ASIC1: variants seen among roughly 807,000 people sequenced by gnomAD.
The protein encoded by ASIC1 is acid-sensing ion channel 1.
A neutral mutation model predicts 63.4 loss-of-function variants in ASIC1; 21 were observed. That is an observed-to-expected ratio of 0.33 (90% CI 0.23 to 0.48). ASIC1 has a LOEUF of 0.48. Ranked by LOEUF, ASIC1 falls within the 20% of genes least tolerant of loss-of-function variation. The pLI is 0.99. For synonymous variants in ASIC1, 258 were observed against 278.2 expected, an observed-to-expected ratio of 0.93 and a Z score of 0.72; for missense variants, 478 against 695.5, an observed-to-expected ratio of 0.69 and a Z score of 3.52.
intron 3 of ASIC1, among the ~76,000 whole-genome samples, chr12:50,060,179 G>T (rs1480310467): frequency 6.6e-6 from 1 of 152,224 alleles, no homozygotes; most frequent in Non-Finnish European, 1.5e-5. Context: ...GCAGGAAAGA[G>T]AGCCTACAGT....
At chr12:50,079,819 T>C in intron 7 of ASIC1, 83 bp from the exon 8 acceptor site, 2 of 1,474,462 alleles carry the variant, frequency 1.4e-6, no homozygotes, top group Non-Finnish European at 1.8e-6. Context: ...AGAGTTTCTC[T>C]GGGCAGAGCT....
chr12:50,071,446 T>C (rs982630616), intron 3 of ASIC1, among the ~76,000 whole-genome samples: 1 of 151,186 alleles, frequency 6.6e-6, no homozygotes, highest in Non-Finnish European at 1.5e-5. Context: ...TTTTTTGGTT[T>C]TTTTTTTTTG....
rs777741388 is a variant in ASIC1 at position 50,064,979 on chromosome 12, G to A, written c.558+5025G>A. Among the ~76,000 whole-genome samples the A allele has an allele frequency of 7.9e-5, 12 of 152,124 alleles. No individual in the cohort carries two copies. In the South Asian group the frequency reaches 2.5e-3, roughly 31 times the overall value. ...GTGGTACTAAAGGGGGCCCAGTGGG[G>A]TGGGCTTCAGAACAAGGGGGAACAT... On this transcript the variant is annotated intron_variant, in intron 3 of 11. Coordinates refer to ENST00000447966, the MANE Select transcript of ASIC1 (RefSeq NM_001095.4).
intron 3 of ASIC1, among the ~76,000 whole-genome samples, chr12:50,069,711 TC>T (rs1950580460): frequency 1.3e-5 from 2 of 152,290 alleles, no homozygotes; most frequent in Admixed American, 6.5e-5. Flanking sequence ...TTTTTTTTTT[TC>T]ATAGCACTTA....
At chr12:50,080,996 C>T (rs1321203804) in intron 9 of ASIC1, 106 bp from the exon 10 acceptor site, 10 of 1,068,696 alleles carry the variant, frequency 9.4e-6, no homozygotes, top group Non-Finnish European at 1.4e-5. Context: ...TGTGCGAAGG[C>T]TACCAATCCC....
chr12:50,066,342 C>G lies in ASIC1; in HGVS notation c.558+6388C>G, dbSNP rs147312085. On this transcript the variant is annotated intron_variant, in intron 3 of 11. Coordinates refer to ENST00000447966, the MANE Select transcript of ASIC1 (RefSeq NM_001095.4). ...ACCCTGACTTCAGATCTTCTAAGTC[C>G]GGGTTCTTTGTGTGTGGCTGTAGGA... Among the ~76,000 whole-genome samples, 8 of 151,978 alleles carry G rather than the reference C, an allele frequency of 5.3e-5. No homozygotes were observed. The East Asian group carries it at 1.6e-3, about 29-fold the overall frequency.
chr12:50,079,796 G>A (rs1950696062), intron 7 of ASIC1, 106 bp from the exon 8 acceptor site: 1 of 1,370,756 alleles, frequency 7.3e-7, no homozygotes, highest in East Asian at 2.4e-5. Context: ...GTCACGGAAA[G>A]AGAAAGGGGC....
rs764198565 is a variant in ASIC1, at chr12:50,075,152, C to T, written c.559-2061C>T. ...CCAGCTCCCAGATGCCAGGCCTTCC[C>T]TGCCCCACACACCCATCCCTCAGTC... On this transcript the variant is annotated intron_variant, in intron 3 of 11. Coordinates refer to ENST00000447966, the MANE Select transcript of ASIC1 (RefSeq NM_001095.4). 5.3e-5 allele frequency among the ~76,000 whole-genome samples: 8 copies of T among 152,238 alleles called. No individual in the cohort carries two copies. The South Asian group carries it at 6.2e-4, about 12-fold the overall frequency.
chr12:50,072,328 G>A (rs943608553), intron 3 of ASIC1, among the ~76,000 whole-genome samples: 3 of 152,056 alleles, frequency 2.0e-5, no homozygotes, highest in South Asian at 2.1e-4. Context: ...TCCCTCCCCC[G>A]CTTCCCCTCC....
At chr12:50,069,792 C>T (rs1157132643) in intron 3 of ASIC1, among the ~76,000 whole-genome samples, 4 of 151,996 alleles carry the variant, frequency 2.6e-5, no homozygotes, top group Non-Finnish European at 5.9e-5. Flanking sequence ...CGACAGTAAG[C>T]TCCATGAGGG....
chr12:50,062,191 G>A (rs752916845), intron 3 of ASIC1, among the ~76,000 whole-genome samples: 2 of 152,140 alleles, frequency 1.3e-5, no homozygotes, highest in Non-Finnish European at 2.9e-5. Context: ...ACACCTCCCC[G>A]GTGGAGAAGG....
In ASIC1 at chr12:50,059,864, G is replaced by A. The variant is rs139055658; in HGVS notation, c.468G>A (p.Glu156=). The change falls in exon 3 of 12, where the codon GAG becomes GAA. Residue 156 remains glutamate (E), a synonymous_variant. Coordinates refer to ENST00000447966, the MANE Select transcript of ASIC1 (RefSeq NM_001095.4). This position sits in a 1 kb window ranked among gnomAD's most constrained non-coding sequence, Gnocchi z 4.6. ...AACCCAAACCCTTCAACATGCGTGA[G>A]TTCTACGACCGAGCTGGGCACGACA... The part of the protein sequence containing the change: ...SFKPKPFNMR[E]FYDRAGHDIR... The A allele has an allele frequency of 3.7e-6, 6 of 1,614,204 alleles. No individual in the cohort carries two copies. The highest frequency in any genetic ancestry group is 5.1e-6 in the Non-Finnish European group (6 of 1,180,026).
chr12:50,078,139 A>C lies in ASIC1; in HGVS notation c.837+12A>C. The C allele has an allele frequency of 6.2e-7, 1 of 1,609,796 alleles. No homozygotes were observed. The highest frequency in any genetic ancestry group is 8.5e-7 in the Non-Finnish European group (1 of 1,177,868). On this transcript the variant is annotated intron_variant, in intron 5 of 11. Transcript: ENST00000447966. This position sits in a 1 kb window ranked among gnomAD's most constrained non-coding sequence, Gnocchi z 6.0. ...GCCAGGAGCAGCGGGTGAGAGGGCC[A>C]TGGGAGGCTGGTCCTGGGGTGGGGT...
At chr12:50,077,976 C>T in intron 4 of ASIC1, 24 bp from the exon 5 acceptor site, 1 of 1,597,414 alleles carries the variant, frequency 6.3e-7, no homozygotes, top group Non-Finnish European at 8.5e-7. Flanking sequence ...GCCCTCCCAA[C>T]CCACACACTC....
At position 50,074,986 on chromosome 12, in the gene ASIC1, G is replaced by A. The variant is rs754215495; in HGVS notation, c.559-2227G>A. ...GCCAGGGACCCTCTTCCTAGGGGAA[G>A]CTCTCACTGGGAACTGTCCTTCTGC... On this transcript the variant is annotated intron_variant, in intron 3 of 11. Transcript: ENST00000447966. This position sits in a 1 kb window ranked among gnomAD's most constrained non-coding sequence, Gnocchi z 4.2. Among the ~76,000 whole-genome samples, 73 of 151,826 alleles carry A rather than the reference G, an allele frequency of 4.8e-4. No individual in the cohort carries two copies. The highest frequency in any genetic ancestry group is 3.4e-3 in the Middle Eastern group (1 of 294).
In ASIC1 at chr12:50,083,568, C is replaced by T. The variant is rs1022327145; in HGVS notation, c.*1919C>T. The T allele has an allele frequency of 6.5e-6, 1 of 152,804 alleles. No homozygotes were observed. Among genetic ancestry groups the T allele is most frequent in the African/African-American group, 2.4e-5 (1 of 41,462 alleles). 9.5% of individuals were successfully genotyped at this position (152,804 alleles called of 1,614,324 possible). A position where few individuals can be genotyped will look rare whatever the true frequency, so the allele number is the denominator to read the frequency against. On this transcript the variant is annotated 3_prime_UTR_variant, in exon 12 of 12. Coordinates refer to ENST00000447966, the MANE Select transcript of ASIC1 (RefSeq NM_001095.4). ...GGATAGGGGAACAGCAGGCAGGGCTCTGGGTGACGCATGCCTCTGGTCTAA... is the reference window on the plus strand; with the variant it reads ...GGATAGGGGAACAGCAGGCAGGGCTTTGGGTGACGCATGCCTCTGGTCTAA...
At chr12:50,077,461 G>A in intron 4 of ASIC1, 98 bp downstream of exon 4, 4 of 1,506,934 alleles carry the variant, frequency 2.7e-6, no homozygotes, top group African/African-American at 2.8e-5. Flanking sequence ...GCAGGGCCCG[G>A]GCTTTCCCCT....
At chr12:50,079,255 T>TA (rs963723690) in intron 7 of ASIC1, among the ~76,000 whole-genome samples, 9 of 151,024 alleles carry the variant, frequency 6.0e-5, no homozygotes, top group South Asian at 2.1e-4. Flanking sequence ...TATGAAAAAT[T>TA]AAAAAAAAAT....
chr12:50,066,089 G>A (rs1025931011), intron 3 of ASIC1, among the ~76,000 whole-genome samples: 3 of 152,220 alleles, frequency 2.0e-5, no homozygotes, highest in Non-Finnish European at 4.4e-5. Flanking sequence ...GAAAGCTTCT[G>A]TGTAGGCAAA....
Sources: allele counts gnomAD v4.1 joint callset (sites outside exome capture counted in the v4.1 genomes callset), GRCh38; gene constraint gnomAD v4.1.1; non-coding constraint Gnocchi (gnomAD v3.1); transcripts MANE v1.5; gene names NCBI Gene and HGNC (gene_info 2026-07-23, HGNC 2026-07-21).